ST6GALNAC1: variants seen among roughly 807,000 people sequenced by gnomAD.
The protein encoded by ST6GALNAC1 is ST6 N-acetylgalactosaminide alpha-2,6-sialyltransferase 1, also known as alpha-N-acetylgalactosaminide alpha-2,6-sialyltransferase 1.
Under a neutral mutation model 56.8 loss-of-function variants are expected in ST6GALNAC1, and 45 were observed. The ratio of observed to expected loss-of-function variants is 0.79; its 90% CI spans 0.62 to 1.02. The LOEUF is 1.02. ST6GALNAC1 is among the 50% of genes least tolerant of loss of function. ST6GALNAC1 has a pLI of 0.00. For synonymous variants in ST6GALNAC1, 295 were observed against 297.8 expected (o/e 0.99, Z 0.10); for missense variants, 743 against 754.8 (o/e 0.98, Z 0.18).
chr17:76,629,451 TTC>T lies in ST6GALNAC1; in HGVS notation c.390_391del (p.Lys131AsnfsTer96), dbSNP rs753489912. 9 of 1,614,148 alleles carry T rather than the reference TTC, an allele frequency of 5.6e-6. No individual in the cohort carries two copies. Among genetic ancestry groups the T allele is most frequent in the Admixed American group, 3.3e-5 (2 of 60,022 alleles). On this transcript the variant is annotated frameshift_variant, in exon 2 of 9. Coordinates refer to ENST00000156626, the MANE Select transcript of ST6GALNAC1 (RefSeq NM_018414.5). LOFTEE classifies it high-confidence loss of function. ...GGGTGACAGTGTGTTCACCATGGTT[TTC>T]TCTTTTTCTGGGCTCTTCCATGCTG...
At chr17:76,636,087 A>C (rs2075970088) in intron 1 of ST6GALNAC1, among the ~76,000 whole-genome samples, 1 of 152,206 alleles carries the variant, frequency 6.6e-6, no homozygotes, top group South Asian at 2.1e-4. Context: ...CTGCCTTAAA[A>C]CATGAAAGGA....
intron 4 of ST6GALNAC1, 64 bp from the exon 5 acceptor site, chr17:76,626,853 T>C: frequency 6.3e-7 from 1 of 1,591,922 alleles, no homozygotes; most frequent in Non-Finnish European, 8.6e-7. Flanking sequence ...TGTAGGTGGA[T>C]GGGGAAAGGA....
At position 76,626,747 on chromosome 17, in the gene ST6GALNAC1, C is replaced by T. The variant is rs1323792479; in HGVS notation, c.1215G>A (p.Gly405=). ...TAAAGCCGTAGAAGGATGTCCGAGT[C>T]CCCACATCCTGTTCGTAGCCTTTAA... The part of the protein sequence containing the change: ...ALIKGYEQDV[G]TRTSFYGFTA... Residue 405 remains glycine, a synonymous_variant, in exon 5 of 9, where the codon GGG becomes GGA. Transcript: ENST00000156626. 2.5e-6 allele frequency: 4 copies of T among 1,613,968 alleles called. No individual in the cohort carries two copies. The highest frequency in any genetic ancestry group is 3.4e-6 in the Non-Finnish European group (4 of 1,179,928).
At chr17:76,622,996 T>C (rs2075756815), downstream of ST6GALNAC1, among the ~76,000 whole-genome samples, 1 of 152,188 alleles carries the variant, frequency 6.6e-6, no homozygotes, top group Admixed American at 6.5e-5. Context: ...CATTTCACCA[T>C]ATTGGCCAGG....
downstream of ST6GALNAC1, among the ~76,000 whole-genome samples, chr17:76,620,847 G>A (rs905064955): frequency 2.4e-4 from 37 of 151,770 alleles, no homozygotes; most frequent in African/African-American, 8.2e-4. Context: ...CACCCGCCTC[G>A]GCCTCCCAAA....
At chr17:76,624,274 G>A (rs1320473840), downstream of ST6GALNAC1, among the ~76,000 whole-genome samples, 2 of 151,280 alleles carry the variant, frequency 1.3e-5, no homozygotes, top group African/African-American at 4.9e-5. Context: ...TTTTTGAGAC[G>A]GAGTCTTGCT....
downstream of ST6GALNAC1, among the ~76,000 whole-genome samples, chr17:76,624,080 G>T (rs1005994600): frequency 6.6e-6 from 1 of 152,140 alleles, no homozygotes; most frequent in African/African-American, 2.4e-5. Flanking sequence ...GCCACCTGCC[G>T]CCCGGAGCTG....
rs781318488 is a variant in ST6GALNAC1 at position 76,627,439 on chromosome 17, C to T, written c.976G>A (p.Gly326Ser). 3.1e-6 allele frequency: 5 copies of T among 1,614,046 alleles called. No homozygotes were observed. Among genetic ancestry groups the T allele is most frequent in the African/African-American group, 2.7e-5 (2 of 74,920 alleles). Residue 326 changes from glycine to serine, a missense_variant, in exon 3 of 9, where the codon GGC becomes AGC. Gly to Ser is a moderately conservative substitution (Grantham distance 56). Coordinates refer to ENST00000156626, the MANE Select transcript of ST6GALNAC1 (RefSeq NM_018414.5). This position sits in a 1 kb window ranked among gnomAD's most constrained non-coding sequence, Gnocchi z 4.4. ...DRLEHFAPPFGFMELNYSLVQ... is the reference protein window; with the variant it reads ...DRLEHFAPPFSFMELNYSLVQ... Reference sequence around the variant, plus strand: ...CAGGAGTAGTTGAGCTCCATGAAGCCAAAGGGTGGTGCAAAGTGTTCCAGG... The same window carrying T: ...CAGGAGTAGTTGAGCTCCATGAAGCTAAAGGGTGGTGCAAAGTGTTCCAGG...
chr17:76,640,921 TA>T (rs1041373354), intron 1 of ST6GALNAC1, among the ~76,000 whole-genome samples: 2 of 152,084 alleles, frequency 1.3e-5, no homozygotes, highest in Non-Finnish European at 2.9e-5. Context: ...CAGATGTATG[TA>T]AAAAAAACCC....
At chr17:76,631,065 CTG>C (rs34663902) in intron 1 of ST6GALNAC1, among the ~76,000 whole-genome samples, 44,849 of 146,566 alleles carry the variant, frequency 0.31, 7,557 homozygotes, top group Middle Eastern at 0.43. Flanking sequence ...CAGCTAATCT[CTG>C]TGTGTGTGTG....
rs1468624409 is a variant in ST6GALNAC1, at chr17:76,626,400, C to T, written c.1312-8G>A. On this transcript the variant is annotated splice_region_variant and splice_polypyrimidine_tract_variant and intron_variant, in intron 5 of 8. Coordinates refer to ENST00000156626, the MANE Select transcript of ST6GALNAC1 (RefSeq NM_018414.5). ...GTGCAAGTAGCGGACGTCCTGAGGA[C>T]CAAGGACAGGGAGTGGTCCAAAAGT... 6.2e-7 allele frequency: 1 copy of T among 1,613,726 alleles called. No individual in the cohort carries two copies. The highest frequency in any genetic ancestry group is 1.1e-5 in the South Asian group (1 of 91,048).
At chr17:76,630,014 C>T (rs188883606) in intron 1 of ST6GALNAC1, among the ~76,000 whole-genome samples, 263 of 152,094 alleles carry the variant, frequency 1.7e-3, no homozygotes, top group African/African-American at 6.1e-3. Context: ...GAACTCCTGA[C>T]CTGCCCAGTG....
downstream of ST6GALNAC1, among the ~76,000 whole-genome samples, chr17:76,623,433 ATTAAC>A (rs2075760368): frequency 6.6e-6 from 1 of 152,186 alleles, no homozygotes; most frequent in South Asian, 2.1e-4. Context: ...AAGTTTATTA[ATTAAC>A]TTGAGGAGAA....
At chr17:76,636,280 A>C (rs1453988286) in intron 1 of ST6GALNAC1, among the ~76,000 whole-genome samples, 2 of 152,124 alleles carry the variant, frequency 1.3e-5, no homozygotes, top group Non-Finnish European at 2.9e-5. Context: ...ATTTGGTTTC[A>C]TGTTCAAGAT....
At chr17:76,624,578 A>G (rs1330063505), downstream of ST6GALNAC1, among the ~76,000 whole-genome samples, 1 of 152,166 alleles carries the variant, frequency 6.6e-6, no homozygotes, top group African/African-American at 2.4e-5. Context: ...GGGTTGTTCC[A>G]GGCTCCAGAG....
chr17:76,627,720 G>T lies in ST6GALNAC1; in HGVS notation c.832-137C>A. 2.6e-6 allele frequency: 2 copies of T among 760,444 alleles called. No individual in the cohort carries two copies. The highest frequency in any genetic ancestry group is 4.2e-6 in the Non-Finnish European group (2 of 474,374). The allele number at this position is 760,444 out of a possible 1,614,324, so 47.1% of individuals were successfully genotyped here. On this transcript the variant is annotated intron_variant, in intron 2 of 8. Coordinates refer to ENST00000156626, the MANE Select transcript of ST6GALNAC1 (RefSeq NM_018414.5). The surrounding 1 kb of genome is among the most constrained non-coding windows in gnomAD (Gnocchi z 4.4). Reference sequence around the variant, plus strand: ...GCTACCTCTTCCATTCTGTTCTCAGGGTCTGCTTACCCTCCCCTTCCCATT... The same window carrying T: ...GCTACCTCTTCCATTCTGTTCTCAGTGTCTGCTTACCCTCCCCTTCCCATT...
rs1237799547 is a variant in ST6GALNAC1, at chr17:76,624,944, T to C, written c.*386A>G. On this transcript the variant is annotated 3_prime_UTR_variant, in exon 9 of 9. Coordinates refer to ENST00000156626, the MANE Select transcript of ST6GALNAC1 (RefSeq NM_018414.5). Reference sequence around the variant, plus strand: ...TCTGTAGTGAAGTTAAGTAATACCTTCAAGATTTCACAACTGTAAACTCGA... The same window carrying C: ...TCTGTAGTGAAGTTAAGTAATACCTCCAAGATTTCACAACTGTAAACTCGA... The C allele has an allele frequency of 4.0e-6, 1 of 250,528 alleles. No individual in the cohort carries two copies. The highest frequency in any genetic ancestry group is 7.8e-6 in the Non-Finnish European group (1 of 129,006). 15.5% of individuals were successfully genotyped at this position (250,528 alleles called of 1,614,324 possible). A position where few individuals can be genotyped will look rare whatever the true frequency, so the allele number is the denominator to read the frequency against.
chr17:76,625,860 C>T lies in ST6GALNAC1; in HGVS notation c.1564G>A (p.Gly522Arg), dbSNP rs2075789905. The T allele has an allele frequency of 1.3e-6, 2 of 1,546,324 alleles. No homozygotes were observed. The highest frequency in any genetic ancestry group is 2.5e-5 in the South Asian group (2 of 79,526). Residue 522 changes from glycine to arginine, a missense_variant, in exon 8 of 9, where the codon GGG (glycine) becomes AGG (arginine). By Grantham distance (125) the Gly-to-Arg change is moderately radical. Coordinates refer to ENST00000156626, the MANE Select transcript of ST6GALNAC1 (RefSeq NM_018414.5). ...AGGGCAGTGAGCAGCAGGAGGGCCC[C>T]AGTGGTGGGGCGGTATATCCTCCAG... The part of the protein sequence containing the change: ...AHWRIYRPTT[G>R]ALLLLTALQL...
chr17:76,639,255 T>C (rs1473027938), intron 1 of ST6GALNAC1, among the ~76,000 whole-genome samples: 1 of 152,152 alleles, frequency 6.6e-6, no homozygotes, highest in African/African-American at 2.4e-5. Flanking sequence ...CCAGGCCCTG[T>C]TCATAGCACT....
Sources: allele counts gnomAD v4.1 joint callset (sites outside exome capture counted in the v4.1 genomes callset), GRCh38; gene constraint gnomAD v4.1.1; non-coding constraint Gnocchi (gnomAD v3.1); transcripts MANE v1.5; gene names NCBI Gene and HGNC (gene_info 2026-07-23, HGNC 2026-07-21).